The following CADPS2 variants were observed in gnomAD, a reference collection of about 807,000 sequenced individuals.
CADPS2 encodes the protein calcium dependent secretion activator 2, also known as calcium-dependent secretion activator 2.
In CADPS2, 93 loss-of-function variants were observed where a neutral mutation model predicts 172.5. The observed-to-expected ratio is 0.54, with a 90% confidence interval of 0.46 to 0.64. CADPS2 has a LOEUF of 0.64. CADPS2 is among the 30% of genes least tolerant of loss of function. The pLI, the probability that CADPS2 is intolerant of heterozygous loss-of-function variation, is 0.00. For synonymous variants in CADPS2, 546 were observed against 555.2 expected, an observed-to-expected ratio of 0.98 and a Z score of 0.23; for missense variants, 1,420 against 1,565.9, an observed-to-expected ratio of 0.91 and a Z score of 1.57.
intron 1 of CADPS2, among the ~76,000 whole-genome samples, chr7:122,843,431 ACTGT>A (rs765351838): frequency 1.4e-4 from 22 of 152,206 alleles, no homozygotes; most frequent in Non-Finnish European, 2.2e-4. Context: ...ATGGGGTGTC[ACTGT>A]CTGTCAAAAA....
chr7:122,867,440 A>G (rs535974857), intron 1 of CADPS2, among the ~76,000 whole-genome samples: 8 of 152,100 alleles, frequency 5.3e-5, no homozygotes, highest in Non-Finnish European at 1.0e-4. Context: ...CACTAACTCC[A>G]CCCTGAGCAC....
intron 2 of CADPS2, among the ~76,000 whole-genome samples, chr7:122,700,138 G>C (rs1267350325): frequency 6.6e-6 from 1 of 152,144 alleles, no homozygotes; most frequent in Non-Finnish European, 1.5e-5. Context: ...CACTTTCTTG[G>C]CGGTGAATCT....
At position 122,393,445 on chromosome 7, in the gene CADPS2, C is replaced by T. The variant is rs1420709446; in HGVS notation, c.2884G>A (p.Val962Ile). ...GACACTAGGTAAGATACCTACTTGA[C>T]AGGCTGCCATGTCTCCTGCTCAAAA... ...RGFEQETWQP[V>I]KNIANSLPNV... Residue 962 changes from valine to isoleucine, a missense_variant, in exon 21 of 30, where the codon GTC (valine) becomes ATC (isoleucine). Coordinates refer to ENST00000449022, the MANE Select transcript of CADPS2 (RefSeq NM_017954.11). 2 of 1,613,832 alleles carry T rather than the reference C, an allele frequency of 1.2e-6. No individual in the cohort carries two copies. Among genetic ancestry groups the T allele is most frequent in the South Asian group, 2.2e-5 (2 of 91,056 alleles).
chr7:122,707,671 C>G (rs969907065), intron 2 of CADPS2, among the ~76,000 whole-genome samples: 2 of 151,642 alleles, frequency 1.3e-5, no homozygotes, highest in East Asian at 3.9e-4. Context: ...TGAATCATAA[C>G]GAGATCTGAG....
chr7:122,531,682 A>G (rs932064010), intron 8 of CADPS2, among the ~76,000 whole-genome samples: 1 of 152,166 alleles, frequency 6.6e-6, no homozygotes, highest in African/African-American at 2.4e-5. Flanking sequence ...CAAATGACCC[A>G]ATATATGTAT....
intron 1 of CADPS2, among the ~76,000 whole-genome samples, chr7:122,840,553 C>A (rs1393276366): frequency 1.1e-4 from 14 of 130,068 alleles, no homozygotes; most frequent in South Asian, 2.4e-4. Context: ...TTTTTAAATG[C>A]AAAAAAAAAA....
chr7:122,319,287 CA>C lies in CADPS2; in HGVS notation c.*877del, dbSNP rs1032027012. ...AACAAAATATTACAAACAAAACAAACAAAAAACTCAAGAAACAAAAACACAG... is the reference window on the plus strand; with the variant it reads ...AACAAAATATTACAAACAAAACAAACAAAAACTCAAGAAACAAAAACACAG... On this transcript the variant is annotated 3_prime_UTR_variant, in exon 30 of 30. Coordinates refer to ENST00000449022, the MANE Select transcript of CADPS2 (RefSeq NM_017954.11). The C allele has an allele frequency of 6.6e-5, 10 of 152,038 alleles. No homozygotes were observed. Among genetic ancestry groups the C allele is most frequent in the Non-Finnish European group, 2.9e-5 (2 of 67,992 alleles). 9.4% of individuals were successfully genotyped at this position (152,038 alleles called of 1,614,324 possible).
At chr7:122,717,470 T>C (rs189491217) in intron 2 of CADPS2, among the ~76,000 whole-genome samples, 151 of 152,290 alleles carry the variant, frequency 9.9e-4, no homozygotes, top group African/African-American at 3.5e-3. Context: ...CACTTACTTA[T>C]GACACAACTT....
chr7:122,721,775 C>G (rs1249823386), intron 2 of CADPS2, among the ~76,000 whole-genome samples: 1 of 152,012 alleles, frequency 6.6e-6, no homozygotes, highest in African/African-American at 2.4e-5. Flanking sequence ...TGATGAAAAT[C>G]GATGCAAAAA....
intron 15 of CADPS2, among the ~76,000 whole-genome samples, chr7:122,443,102 T>G (rs1230676625): frequency 6.6e-6 from 1 of 152,214 alleles, no homozygotes; most frequent in African/African-American, 2.4e-5. Flanking sequence ...TCCCTATTGT[T>G]TATTTCCATT....
At chr7:122,418,030 C>G (rs931818780) in intron 17 of CADPS2, among the ~76,000 whole-genome samples, 1 of 151,968 alleles carries the variant, frequency 6.6e-6, no homozygotes, top group African/African-American at 2.4e-5. Context: ...ATTAGCTGGG[C>G]CCGGTGGTGG....
At chr7:122,403,616 T>C (rs1178458389) in intron 20 of CADPS2, among the ~76,000 whole-genome samples, 7 of 152,132 alleles carry the variant, frequency 4.6e-5, no homozygotes, top group Non-Finnish European at 1.0e-4. Flanking sequence ...AAAATTACAT[T>C]TTATAGTTAG....
rs767556998 is a variant in CADPS2 at position 122,451,383 on chromosome 7, C to T, written c.2279G>A (p.Ser760Asn). Residue 760 changes from serine to asparagine, a missense_variant, in exon 15 of 30, where the codon AGC becomes AAC. Coordinates refer to ENST00000449022, the MANE Select transcript of CADPS2 (RefSeq NM_017954.11). ...ATAAAAAAATATATACCTGAAATGG[C>T]TTATCTGATTTTCTAAAAGGGAAGA... is the stretch of plus-strand genomic sequence containing the variant. The part of the protein sequence containing the change: ...RLSSLLENQI[S>N]HFRYCFPFGR... The T allele has an allele frequency of 6.7e-7, 1 of 1,491,986 alleles. No homozygotes were observed. The highest frequency in any genetic ancestry group is 1.4e-5 in the South Asian group (1 of 73,732). The allele number at this position is 1,491,986 out of a possible 1,614,324, so 92.4% of individuals were successfully genotyped here.
At chr7:122,660,401 C>T (rs984885142) in intron 3 of CADPS2, among the ~76,000 whole-genome samples, 1 of 151,922 alleles carries the variant, frequency 6.6e-6, no homozygotes, top group Non-Finnish European at 1.5e-5. Flanking sequence ...ATAAGCAGTA[C>T]ACCAAAAGAC....
intron 8 of CADPS2, among the ~76,000 whole-genome samples, chr7:122,514,037 A>G (rs1390824099): frequency 6.6e-6 from 1 of 152,170 alleles, no homozygotes; most frequent in Non-Finnish European, 1.5e-5. Context: ...ATCATTTGAG[A>G]ATATTATTCT....
chr7:122,437,787 A>G (rs2050821905), intron 17 of CADPS2, among the ~76,000 whole-genome samples: 1 of 148,280 alleles, frequency 6.7e-6, no homozygotes, highest in African/African-American at 2.5e-5. Context: ...TAGTATCCTT[A>G]ATGAATAAAG....
At chr7:122,690,298 T>C (rs1053845105) in intron 2 of CADPS2, among the ~76,000 whole-genome samples, 1 of 152,222 alleles carries the variant, frequency 6.6e-6, no homozygotes, top group African/African-American at 2.4e-5. Flanking sequence ...ATCAGCTTTC[T>C]GTGGTTCCCT....
intron 25 of CADPS2, among the ~76,000 whole-genome samples, chr7:122,377,680 C>G (rs1415844405): frequency 6.6e-6 from 1 of 152,242 alleles, no homozygotes; most frequent in East Asian, 1.9e-4. Flanking sequence ...GGGTGGAAAT[C>G]TCACTGCTCT....
chr7:122,368,829 G>A (rs1732309390), intron 25 of CADPS2, among the ~76,000 whole-genome samples: 1 of 152,074 alleles, frequency 6.6e-6, no homozygotes, highest in Non-Finnish European at 1.5e-5. Context: ...ATGCAGATAT[G>A]TGCGTAGGAC....
Sources: gnomAD v4.1 joint callset for allele counts (sites outside exome capture counted in the v4.1 genomes callset) on GRCh38, gnomAD v4.1.1 for gene constraint, MANE v1.5 for transcripts, NCBI Gene and HGNC (gene_info 2026-07-23, HGNC 2026-07-21) for gene names.